SLC9A9: variants seen among roughly 807,000 people sequenced by gnomAD.
SLC9A9 encodes solute carrier family 9 member A9.
A neutral mutation model predicts 77.8 loss-of-function variants in SLC9A9; 62 were observed. That is an observed-to-expected ratio of 0.80 (90% CI 0.65 to 0.98). The LOEUF (loss-of-function observed/expected upper bound fraction) is 0.98. Ranked by LOEUF, SLC9A9 falls within the 50% of genes least tolerant of loss-of-function variation. The pLI, the probability that SLC9A9 is intolerant of heterozygous loss-of-function variation, is 0.00. For missense variants in SLC9A9, 775 were observed against 774.9 expected (o/e 1.00, Z 0.00); for synonymous variants, 320 against 283.5 (o/e 1.13, Z -1.29).
chr3:143,460,483 G>C (rs9824850), intron 12 of SLC9A9, among the ~76,000 whole-genome samples: 11,151 of 151,990 alleles, frequency 0.073, 509 homozygotes, highest in Middle Eastern at 0.15. Flanking sequence ...ATTACTTAAA[G>C]TAAGGACACC....
chr3:143,420,268 T>C (rs1031784537), intron 12 of SLC9A9, among the ~76,000 whole-genome samples: 1 of 97,156 alleles, frequency 1.0e-5, no homozygotes, highest in Non-Finnish European at 2.2e-5. Flanking sequence ...TATCTTTCTT[T>C]AGGGACGTAG....
intron 5 of SLC9A9, among the ~76,000 whole-genome samples, chr3:143,653,449 C>A (rs1200862012): frequency 1.3e-5 from 2 of 152,096 alleles, no homozygotes; most frequent in African/African-American, 2.4e-5. Flanking sequence ...ATGTCTAAGG[C>A]AGAATGGGTA....
intron 5 of SLC9A9, chr3:143,655,471 T>A: frequency 1.0e-6 from 1 of 985,354 alleles, no homozygotes; most frequent in Non-Finnish European, 1.2e-6. Context: ...TCAGACAATT[T>A]GGTCATTTTG....
chr3:143,551,091 G>GA (rs2036874479), intron 9 of SLC9A9, among the ~76,000 whole-genome samples: 1 of 152,180 alleles, frequency 6.6e-6, no homozygotes, highest in African/African-American at 2.4e-5. Context: ...TTTGGTGGTA[G>GA]ACATGCATGC....
intron 4 of SLC9A9, among the ~76,000 whole-genome samples, chr3:143,773,689 G>C (rs1270282166): frequency 6.6e-6 from 1 of 152,048 alleles, no homozygotes; most frequent in Non-Finnish European, 1.5e-5. Flanking sequence ...TCACCATGCT[G>C]GTCAGGCTGG....
At chr3:143,612,554 T>G (rs1366795247) in intron 6 of SLC9A9, among the ~76,000 whole-genome samples, 2 of 152,150 alleles carry the variant, frequency 1.3e-5, no homozygotes, top group Non-Finnish European at 2.9e-5. Flanking sequence ...AAAGCAGAGG[T>G]AAGTAATTGC....
intron 12 of SLC9A9, among the ~76,000 whole-genome samples, chr3:143,390,924 G>A (rs2033549374): frequency 6.6e-6 from 1 of 152,344 alleles, no homozygotes; most frequent in South Asian, 2.1e-4. Context: ...CCATTGCTGA[G>A]GCTTGAGTAG....
chr3:143,765,005 T>TCCTTCCTC (rs2007260152), intron 4 of SLC9A9, among the ~76,000 whole-genome samples: 1 of 149,168 alleles, frequency 6.7e-6, no homozygotes, highest in African/African-American at 2.5e-5. Flanking sequence ...CTTCCTTTCT[T>TCCTTCCTC]TCTTTCTCTC....
rs545151465 is a variant in SLC9A9 at position 143,810,896 on chromosome 3, T to C, written c.379-13993A>G. ...CGCTGTATAATTGCATCTAAGGTGCTGGGATAAGCTGTAATTCAGAGTTTT... is the reference window on the plus strand; with the variant it reads ...CGCTGTATAATTGCATCTAAGGTGCCGGGATAAGCTGTAATTCAGAGTTTT... On this transcript the variant is annotated intron_variant, in intron 2 of 15. Coordinates refer to ENST00000316549, the MANE Select transcript of SLC9A9 (RefSeq NM_173653.4). Among the ~76,000 whole-genome samples, 3 of 152,338 alleles carry C rather than the reference T, an allele frequency of 2.0e-5. No individual in the cohort carries two copies. In the South Asian group the frequency reaches 6.2e-4, roughly 32 times the overall value.
intron 14 of SLC9A9, among the ~76,000 whole-genome samples, chr3:143,344,861 GA>G (rs5853105): frequency 1.3e-5 from 2 of 151,802 alleles, no homozygotes; most frequent in Non-Finnish European, 2.9e-5. Flanking sequence ...GTGTTGGAGG[GA>G]AAAAAAGTGT....
At chr3:143,474,017 GA>G (rs2035423092) in intron 11 of SLC9A9, among the ~76,000 whole-genome samples, 1 of 152,172 alleles carries the variant, frequency 6.6e-6, no homozygotes, top group South Asian at 2.1e-4. Context: ...TATGTGAGGG[GA>G]GGGATGTTAG....
intron 12 of SLC9A9, among the ~76,000 whole-genome samples, chr3:143,417,055 T>G (rs912819634): frequency 1.3e-5 from 2 of 152,102 alleles, no homozygotes; most frequent in Non-Finnish European, 2.9e-5. Flanking sequence ...CATACTGGTA[T>G]GCTGACGTTT....
chr3:143,747,443 T>C (rs1935221302), intron 4 of SLC9A9, among the ~76,000 whole-genome samples: 1 of 150,578 alleles, frequency 6.6e-6, no homozygotes, highest in African/African-American at 2.4e-5. Context: ...TTTGCAGATG[T>C]GATTAGGTGA....
At chr3:143,470,931 T>C (rs774607430) in intron 11 of SLC9A9, among the ~76,000 whole-genome samples, 2 of 152,204 alleles carry the variant, frequency 1.3e-5, no homozygotes, top group African/African-American at 2.4e-5. Context: ...TCTATATCTA[T>C]ATATAGAACA....
intron 12 of SLC9A9, among the ~76,000 whole-genome samples, chr3:143,439,324 C>T (rs969315552): frequency 6.6e-6 from 1 of 152,226 alleles, no homozygotes; most frequent in African/African-American, 2.4e-5. Flanking sequence ...GATTAGCATT[C>T]TGTTGCTTAG....
intron 4 of SLC9A9, among the ~76,000 whole-genome samples, chr3:143,759,151 C>A (rs1230238022): frequency 6.6e-6 from 1 of 152,110 alleles, no homozygotes; most frequent in Non-Finnish European, 1.5e-5. Context: ...ATGAAATTAT[C>A]TGATCTCATT....
intron 4 of SLC9A9, among the ~76,000 whole-genome samples, chr3:143,694,008 G>C (rs903986342): frequency 3.9e-5 from 6 of 152,140 alleles, no homozygotes; most frequent in African/African-American, 1.2e-4. Context: ...CTTTTAATTG[G>C]TATTTAATTA....
chr3:143,628,318 A>C (rs1459419847), intron 6 of SLC9A9, among the ~76,000 whole-genome samples: 2 of 152,222 alleles, frequency 1.3e-5, no homozygotes, highest in Non-Finnish European at 2.9e-5. Flanking sequence ...AACCAATGGA[A>C]CATCATGGCC....
intron 2 of SLC9A9, among the ~76,000 whole-genome samples, chr3:143,827,216 T>C (rs914093889): frequency 2.6e-5 from 4 of 152,232 alleles, no homozygotes; most frequent in African/African-American, 9.6e-5. Context: ...TAATAGGATG[T>C]AGGCCCTAAA....
Sources: gnomAD v4.1 joint callset for allele counts (sites outside exome capture counted in the v4.1 genomes callset) on GRCh38, gnomAD v4.1.1 for gene constraint, MANE v1.5 for transcripts, NCBI Gene and HGNC (gene_info 2026-07-23, HGNC 2026-07-21) for gene names.